PKHD1L1: variants seen among roughly 807,000 people sequenced by gnomAD.
The protein encoded by PKHD1L1 is fibrocystin-L.
PKHD1L1 carries 434 observed loss-of-function variants against 462.9 expected under a neutral mutation model. The ratio of observed to expected loss-of-function variants is 0.94; its 90% CI spans 0.87 to 1.02. The LOEUF (loss-of-function observed/expected upper bound fraction) is 1.02, where lower values mean the gene tolerates loss of function less well. Among genes scored for constraint, PKHD1L1 ranks in the 50% least tolerant of loss-of-function variants. The pLI is 0.00. For missense variants in PKHD1L1, 5,202 were observed against 5,096.1 expected (o/e 1.02, Z -0.63); for synonymous variants, 1,781 against 1,750.0 (o/e 1.02, Z -0.44).
chr8:109,433,425 C>T lies in PKHD1L1; in HGVS notation c.3340+209C>T, dbSNP rs34711531. Among the ~76,000 whole-genome samples, 405 of 152,232 alleles carry T rather than the reference C, an allele frequency of 2.7e-3. 5 individuals are homozygous for T. The highest frequency in any genetic ancestry group is 0.019 in the Admixed American group (293 of 15,280). The stretch of plus-strand genomic sequence containing the variant: ...GATCACAGACTATTTCATTGTTGTA[C>T]GGTGTCTTTATCCCATAACAGTTTA... On this transcript the variant is annotated intron_variant, in intron 28 of 77. Transcript: ENST00000378402.
At chr8:109,407,867 T>G (rs1316523144) in intron 17 of PKHD1L1, among the ~76,000 whole-genome samples, 182 bp from the exon 18 acceptor site, 2 of 152,132 alleles carry the variant, frequency 1.3e-5, no homozygotes, top group Non-Finnish European at 2.9e-5. Flanking sequence ...TATGGATAAA[T>G]CTGCTCAAAT....
At chr8:109,383,503 TATAA>T (rs1203704786) in intron 4 of PKHD1L1, among the ~76,000 whole-genome samples, 1 of 138,266 alleles carries the variant, frequency 7.2e-6, no homozygotes, top group Non-Finnish European at 1.5e-5. Context: ...AATATTTATA[TATAA>T]ATAGTTTATA....
chr8:109,404,025 G>A (rs1252429221), intron 14 of PKHD1L1, among the ~76,000 whole-genome samples: 1 of 152,258 alleles, frequency 6.6e-6, no homozygotes, highest in African/African-American at 2.4e-5. Context: ...CTAATTGGAG[G>A]ATCATAGTAA....
intron 2 of PKHD1L1, among the ~76,000 whole-genome samples, chr8:109,369,697 G>A (rs1318001315): frequency 1.3e-5 from 2 of 151,842 alleles, no homozygotes; most frequent in Non-Finnish European, 1.5e-5. Context: ...TCTTTAGTTG[G>A]TTGCCAGGAG....
rs551867846 is a variant in PKHD1L1, at chr8:109,422,314, C to T, written c.2697+1624C>T. On this transcript the variant is annotated intron_variant, in intron 23 of 77. Coordinates refer to ENST00000378402, the MANE Select transcript of PKHD1L1 (RefSeq NM_177531.6). ...ACCACCAGAACAGTTCTATTACGAG[C>T]GTCTCTTGTGCTACCTTTTTGTAGC... Among the ~76,000 whole-genome samples, 6 of 152,234 alleles carry T rather than the reference C, an allele frequency of 3.9e-5. No individual in the cohort carries two copies. The South Asian group carries it at 1.2e-3, about 32-fold the overall frequency.
At chr8:109,513,420 TA>T (rs1223760423) in intron 71 of PKHD1L1, among the ~76,000 whole-genome samples, 1 of 152,208 alleles carries the variant, frequency 6.6e-6, no homozygotes, top group Non-Finnish European at 1.5e-5. Context: ...CTTTGAAATT[TA>T]CTTCAGAGAC....
Position 109,369,927 on chromosome 8 carries a change from A to T in PKHD1L1, c.163+5291A>T, listed in dbSNP as rs552864486. 3.0e-4 allele frequency among the ~76,000 whole-genome samples: 46 copies of T among 152,266 alleles called. No individual in the cohort carries two copies. In the South Asian group the frequency reaches 8.9e-3, roughly 30 times the overall value. Reference sequence around the variant, plus strand: ...TATATTGTACTTTAGTTTATGCCGGATGAGTTATTTGGTTAAGCTTAGAGG... The same window carrying T: ...TATATTGTACTTTAGTTTATGCCGGTTGAGTTATTTGGTTAAGCTTAGAGG... On this transcript the variant is annotated intron_variant, in intron 2 of 77. Coordinates refer to ENST00000378402, the MANE Select transcript of PKHD1L1 (RefSeq NM_177531.6).
At chr8:109,485,451 A>G (rs1489153663) in intron 58 of PKHD1L1, among the ~76,000 whole-genome samples, 1 of 151,982 alleles carries the variant, frequency 6.6e-6, no homozygotes, top group African/African-American at 2.4e-5. Flanking sequence ...GCAAGCTTCC[A>G]GGTGATTCTT....
rs1341389636 is a variant in PKHD1L1, at chr8:109,412,378, A to G, written c.2199A>G (p.Arg733=). ...FDSADVKPNR[R]PYGDILLFPY... ...CAGCAGATGTTAAACCAAACAGACG[A>G]CCATATGGAGATATTTTATTGTTTC... is the stretch of plus-strand genomic sequence containing the variant. The change falls in exon 20 of 78, where the codon CGA becomes CGG. Residue 733 remains arginine (R), a synonymous_variant. Transcript: ENST00000378402. 3 of 1,613,406 alleles carry G rather than the reference A, an allele frequency of 1.9e-6. No individual in the cohort carries two copies. The highest frequency in any genetic ancestry group is 2.5e-6 in the Non-Finnish European group (3 of 1,179,530).
Position 109,523,307 on chromosome 8 carries a change from C to A in PKHD1L1, c.12405C>A (p.Val4135=). 6.2e-7 allele frequency: 1 copy of A among 1,612,014 alleles called. No homozygotes were observed. Among genetic ancestry groups the A allele is most frequent in the Non-Finnish European group, 8.5e-7 (1 of 1,178,740 alleles). ...TCAAGGACTCCAATAATAACCAAGT[C>A]AATGGCCTTAGTGGAAATACAACAA... ...AILKDSNNNQ[V]NGLSGNTTIP... Residue 4135 remains valine, a synonymous_variant, in exon 76 of 78, where the codon GTC becomes GTA. Transcript: ENST00000378402.
chr8:109,514,809 G>A (rs1314864803), intron 71 of PKHD1L1, among the ~76,000 whole-genome samples: 1 of 151,948 alleles, frequency 6.6e-6, no homozygotes, highest in Non-Finnish European at 1.5e-5. Context: ...ACCTAATTTT[G>A]TGTGGCTGCA....
intron 2 of PKHD1L1, among the ~76,000 whole-genome samples, chr8:109,372,332 T>C (rs571468484): frequency 7.9e-5 from 12 of 152,308 alleles, no homozygotes; most frequent in Admixed American, 2.6e-4. Flanking sequence ...TAACAATGCT[T>C]GTGATTTTTG....
chr8:109,371,538 G>T (rs1256644612), intron 2 of PKHD1L1, among the ~76,000 whole-genome samples: 2 of 149,714 alleles, frequency 1.3e-5, no homozygotes, highest in African/African-American at 4.9e-5. Context: ...TTTGGCTTTT[G>T]TTGCCATTGC....
Position 109,531,478 on chromosome 8 carries a change from A to G in PKHD1L1, c.*1388A>G, listed in dbSNP as rs1282254983. ...GACAGAGAGATAGAGACAGAGACAG[A>G]GAGGGAGGGGGAGAGAGAGATAGAT... On this transcript the variant is annotated 3_prime_UTR_variant, in exon 78 of 78. Coordinates refer to ENST00000378402, the MANE Select transcript of PKHD1L1 (RefSeq NM_177531.6). 3.3e-5 allele frequency among the ~76,000 whole-genome samples: 5 copies of G among 152,106 alleles called. No homozygotes were observed. Among genetic ancestry groups the G allele is most frequent in the African/African-American group, 1.2e-4 (5 of 41,424 alleles).
rs2130751240 is a variant in PKHD1L1, at chr8:109,443,747, A to G, written c.4636A>G (p.Asn1546Asp). 1 of 1,613,844 alleles carries G rather than the reference A, an allele frequency of 6.2e-7. No individual in the cohort carries two copies. The highest frequency in any genetic ancestry group is 2.2e-5 in the East Asian group (1 of 44,870). Residue 1546 changes from asparagine to aspartate, a missense_variant, in exon 37 of 78, where the codon AAC becomes GAC. Asn to Asp is a conservative substitution (Grantham distance 23). Transcript: ENST00000378402. ...AGCAACAGAACCCCTGTGCAGCCTG[A>G]ACAATACCAGGGTTAAAAATTCAAA... ...CLATEPLCSL[N>D]NTRVKNSKRL...
chr8:109,456,452 A>G, intron 46 of PKHD1L1, 61 bp downstream of exon 46: 2 of 1,450,384 alleles, frequency 1.4e-6, no homozygotes, highest in Non-Finnish European at 1.8e-6. Context: ...TACTGTATAA[A>G]GAGGGACAAT....
At chr8:109,521,737 A>G (rs1170145721) in intron 73 of PKHD1L1, among the ~76,000 whole-genome samples, 1 of 152,218 alleles carries the variant, frequency 6.6e-6, no homozygotes. Context: ...TAGTAATTTA[A>G]TAACTTTAGC....
chr8:109,536,220 T>C lies in PKHD1L1; in HGVS notation c.*6130T>C, dbSNP rs989019804. Among the ~76,000 whole-genome samples the C allele has an allele frequency of 2.0e-5, 3 of 152,230 alleles. No individual in the cohort carries two copies. Among genetic ancestry groups the C allele is most frequent in the African/African-American group, 4.8e-5 (2 of 41,454 alleles). On this transcript the variant is annotated 3_prime_UTR_variant, in exon 78 of 78. Coordinates refer to ENST00000378402, the MANE Select transcript of PKHD1L1 (RefSeq NM_177531.6). ...AGGTTTCACCGATTTTATTGCTGTG[T>C]TTCCAACACATTTCCACATATGGTA...
In PKHD1L1 at chr8:109,401,501, G is replaced by A. The variant is rs1297998164; in HGVS notation, c.1286G>A (p.Arg429Lys). 1.3e-6 allele frequency: 2 copies of A among 1,551,968 alleles called. No individual in the cohort carries two copies. Among genetic ancestry groups the A allele is most frequent in the South Asian group, 2.3e-5 (2 of 88,638 alleles). ...TCTCTGTCTCTCTCGGATTAGGTGA[G>A]GATTGCATATCATTCTGCTAATGCC... Reference protein sequence around the residue: ...SQTGLPEDKVRIAYHSANANS... With the variant: ...SQTGLPEDKVKIAYHSANANS... Residue 429 changes from arginine (R) to lysine (K), a missense_variant, in exon 14 of 78, where the codon AGG becomes AAG. Coordinates refer to ENST00000378402, the MANE Select transcript of PKHD1L1 (RefSeq NM_177531.6).
Sources: allele counts gnomAD v4.1 joint callset (sites outside exome capture counted in the v4.1 genomes callset), GRCh38; gene constraint gnomAD v4.1.1; transcripts MANE v1.5; gene names NCBI Gene and HGNC (gene_info 2026-07-23, HGNC 2026-07-21).